The following MIPOL1 variants were observed in gnomAD, a reference collection of about 807,000 sequenced individuals.
MIPOL1 encodes the protein mirror-image polydactyly gene 1 protein.
A neutral mutation model predicts 60.9 loss-of-function variants in MIPOL1; 57 were observed. The observed-to-expected ratio is 0.94, with a 90% confidence interval of 0.76 to 1.17. The LOEUF (loss-of-function observed/expected upper bound fraction) is 1.17, where lower values mean the gene tolerates loss of function less well. Among genes scored for constraint, MIPOL1 ranks in the 50% most tolerant of loss-of-function variants. The pLI, the probability that MIPOL1 is intolerant of heterozygous loss-of-function variation, is 0.00. For synonymous variants in MIPOL1, 179 were observed against 168.8 expected (o/e 1.06, Z -0.47); for missense variants, 551 against 511.6 (o/e 1.08, Z -0.74).
At chr14:37,258,983 G>C (rs1975430032) in intron 3 of MIPOL1, among the ~76,000 whole-genome samples, 1 of 151,910 alleles carries the variant, frequency 6.6e-6, no homozygotes, top group Non-Finnish European at 1.5e-5. Flanking sequence ...TCAAGTCATT[G>C]AATTGTTGTA....
chr14:37,525,585 G>A (rs1198948259), intron 12 of MIPOL1, among the ~76,000 whole-genome samples: 1 of 152,080 alleles, frequency 6.6e-6, no homozygotes, highest in Non-Finnish European at 1.5e-5. Flanking sequence ...AAACCCTTGG[G>A]TTTATGTGTG....
chr14:37,442,181 T>C (rs547086918), intron 11 of MIPOL1, among the ~76,000 whole-genome samples: 2 of 152,088 alleles, frequency 1.3e-5, no homozygotes, highest in Non-Finnish European at 2.9e-5. Flanking sequence ...CTGAATGTTA[T>C]TGTTGTACAG....
At chr14:37,330,807 A>G (rs913493735) in intron 9 of MIPOL1, among the ~76,000 whole-genome samples, 4 of 151,388 alleles carry the variant, frequency 2.6e-5, no homozygotes, top group Non-Finnish European at 5.9e-5. Context: ...GTACACAGCC[A>G]GAAAATTAGG....
chr14:37,475,130 A>G (rs1005102047), intron 11 of MIPOL1, among the ~76,000 whole-genome samples: 4 of 151,860 alleles, frequency 2.6e-5, no homozygotes, highest in Admixed American at 1.3e-4. Context: ...AGGCCTGGCT[A>G]ATTTTTGCAT....
At chr14:37,438,836 A>G (rs2094200739) in intron 11 of MIPOL1, among the ~76,000 whole-genome samples, 1 of 152,232 alleles carries the variant, frequency 6.6e-6, no homozygotes, top group African/African-American at 2.4e-5. Context: ...ATGTTAGGCT[A>G]CAAAAACTAA....
At chr14:37,495,050 AT>A (rs2095100553) in intron 11 of MIPOL1, among the ~76,000 whole-genome samples, 1 of 152,004 alleles carries the variant, frequency 6.6e-6, no homozygotes, top group Admixed American at 6.5e-5. Context: ...CAGGATGCTC[AT>A]AATTTTCATA....
chr14:37,274,883 A>G (rs1473960921), intron 6 of MIPOL1, among the ~76,000 whole-genome samples: 1 of 151,248 alleles, frequency 6.6e-6, no homozygotes, highest in Middle Eastern at 3.2e-3. Context: ...ACATACTCAA[A>G]GTGTTCCTAA....
chr14:37,510,721 C>G (rs2095321470), intron 12 of MIPOL1, among the ~76,000 whole-genome samples: 1 of 152,108 alleles, frequency 6.6e-6, no homozygotes, highest in African/African-American at 2.4e-5. Flanking sequence ...TTAGTAGTTT[C>G]AGAGAATAAC....
intron 9 of MIPOL1, among the ~76,000 whole-genome samples, chr14:37,309,947 C>A (rs924585677): frequency 2.6e-5 from 4 of 152,000 alleles, no homozygotes; most frequent in African/African-American, 9.7e-5. Context: ...CCTCGCCCTC[C>A]GAAAATGCTG....
chr14:37,459,840 C>T (rs547445141), intron 11 of MIPOL1, among the ~76,000 whole-genome samples: 113 of 152,068 alleles, frequency 7.4e-4, no homozygotes, highest in Non-Finnish European at 1.0e-3. Context: ...TTTAGGAGGC[C>T]GGGGTGGGCA....
chr14:37,482,530 G>A (rs1365001835), intron 11 of MIPOL1, among the ~76,000 whole-genome samples: 1 of 152,064 alleles, frequency 6.6e-6, no homozygotes, highest in Non-Finnish European at 1.5e-5. Flanking sequence ...CATGGCAAAA[G>A]GTAAAGGGGA....
chr14:37,542,342 T>C (rs577859816), intron 12 of MIPOL1, among the ~76,000 whole-genome samples: 1 of 152,224 alleles, frequency 6.6e-6, no homozygotes, highest in South Asian at 2.1e-4. Context: ...TCTTCCTCCC[T>C]CTCTTCTCCT....
intron 9 of MIPOL1, among the ~76,000 whole-genome samples, chr14:37,366,003 T>C (rs2092458121): frequency 6.6e-6 from 1 of 152,124 alleles, no homozygotes; most frequent in Non-Finnish European, 1.5e-5. Context: ...ATATAGTTGC[T>C]CATAGTAGCC....
chr14:37,545,694 A>G, intron 12 of MIPOL1: 1 of 653,288 alleles, frequency 1.5e-6, no homozygotes, highest in Non-Finnish European at 2.7e-6. Context: ...ATCATCCAAT[A>G]AACTTCAGCT....
intron 12 of MIPOL1, among the ~76,000 whole-genome samples, chr14:37,532,620 G>A (rs1240445238): frequency 1.3e-5 from 2 of 152,108 alleles, no homozygotes; most frequent in Admixed American, 1.3e-4. Context: ...AATCCTCAAG[G>A]ATTTTCAGAA....
chr14:37,236,195 G>A (rs776307854), intron 1 of MIPOL1, among the ~76,000 whole-genome samples: 1 of 152,060 alleles, frequency 6.6e-6, no homozygotes, highest in Non-Finnish European at 1.5e-5. Flanking sequence ...CAAACTGCTA[G>A]GATTACAGAC....
At chr14:37,294,922 G>A (rs533425816) in intron 7 of MIPOL1, among the ~76,000 whole-genome samples, 1 of 152,232 alleles carries the variant, frequency 6.6e-6, no homozygotes, top group African/African-American at 2.4e-5. Context: ...TAGCAAGGCA[G>A]GTCACTATTC....
chr14:37,522,293 C>T lies in MIPOL1; in HGVS notation c.1262+22155C>T, dbSNP rs572225204. On this transcript the variant is annotated intron_variant, in intron 12 of 12. Coordinates refer to ENST00000684589, the MANE Select transcript of MIPOL1 (RefSeq NM_001388067.1). ...CTTTACGCATCTTCAAATAAGAAAACGTTTTCCCAAAAAGGAAATTTAATA... is the reference window on the plus strand; with the variant it reads ...CTTTACGCATCTTCAAATAAGAAAATGTTTTCCCAAAAAGGAAATTTAATA... 1.3e-4 allele frequency among the ~76,000 whole-genome samples: 20 copies of T among 152,100 alleles called. 1 individual carries two copies. The East Asian group carries it at 2.5e-3, about 19-fold the overall frequency.
At chr14:37,302,903 A>G (rs1168606448) in intron 7 of MIPOL1, among the ~76,000 whole-genome samples, 1 of 151,850 alleles carries the variant, frequency 6.6e-6, no homozygotes, top group Non-Finnish European at 1.5e-5. Context: ...GCTATTCTAG[A>G]TAACCTTTTT....
Sources: allele counts gnomAD v4.1 joint callset (sites outside exome capture counted in the v4.1 genomes callset), GRCh38; gene constraint gnomAD v4.1.1; transcripts MANE v1.5; gene names NCBI Gene and HGNC (gene_info 2026-07-23, HGNC 2026-07-21).